Variants in DDAH1 observed in about 807,000 individuals in gnomAD.
DDAH1 encodes dimethylarginine dimethylaminohydrolase 1.
A neutral mutation model predicts 28.8 loss-of-function variants in DDAH1; 19 were observed. The observed-to-expected ratio is 0.66, with a 90% CI of 0.46 to 0.97. The LOEUF (loss-of-function observed/expected upper bound fraction) is 0.97, where lower values mean the gene tolerates loss of function less well. DDAH1 is among the 50% of genes least tolerant of loss of function. The probability of loss-of-function intolerance (pLI) is 0.00; values close to 1 mark genes in which losing one functional copy is unlikely to be tolerated. For synonymous variants in DDAH1, 153 were observed against 154.4 expected (o/e 0.99, Z 0.07); for missense variants, 326 against 375.9 (o/e 0.87, Z 1.10).
chr1:85,498,645 G>A (rs561815731), intron 1 of DDAH1, among the ~76,000 whole-genome samples: 2 of 152,290 alleles, frequency 1.3e-5, no homozygotes, highest in South Asian at 4.1e-4. Context: ...CGAGCCCTGT[G>A]TGGTGGCTCA....
At chr1:85,504,886 G>T (rs1212316004) in intron 1 of DDAH1, among the ~76,000 whole-genome samples, 1 of 149,762 alleles carries the variant, frequency 6.7e-6, no homozygotes, top group Non-Finnish European at 1.5e-5. Context: ...CCTACCCCAT[G>T]CCAGACCCAC....
intron 1 of DDAH1, among the ~76,000 whole-genome samples, chr1:85,454,315 A>G (rs140913026): frequency 9.3e-4 from 141 of 152,334 alleles, no homozygotes; most frequent in African/African-American, 3.2e-3. Context: ...ACCAGGCCAC[A>G]TAGAACTATG....
chr1:85,392,285 G>A (rs928377176), intron 1 of DDAH1, among the ~76,000 whole-genome samples: 1 of 152,006 alleles, frequency 6.6e-6, no homozygotes, highest in African/African-American at 2.4e-5. Flanking sequence ...TGGTATGCAT[G>A]TCTATAGGTC....
At chr1:85,451,151 A>G (rs908707224) in intron 1 of DDAH1, among the ~76,000 whole-genome samples, 1 of 152,180 alleles carries the variant, frequency 6.6e-6, no homozygotes, top group Non-Finnish European at 1.5e-5. Context: ...TGGAGTCAGC[A>G]TAGGGGTCCA....
At chr1:85,443,882 T>C (rs1460710116) in intron 1 of DDAH1, among the ~76,000 whole-genome samples, 1 of 152,250 alleles carries the variant, frequency 6.6e-6, no homozygotes, top group East Asian at 1.9e-4. Context: ...GAGACTTTGC[T>C]GAAGTTGCCT....
intron 4 of DDAH1, among the ~76,000 whole-genome samples, chr1:85,345,987 C>G (rs1420748371): frequency 6.6e-6 from 1 of 152,158 alleles, no homozygotes; most frequent in Non-Finnish European, 1.5e-5. Context: ...ACTATTAACT[C>G]TACTATAATC....
intron 1 of DDAH1, among the ~76,000 whole-genome samples, chr1:85,445,246 C>T (rs1301410028): frequency 6.6e-6 from 1 of 152,138 alleles, no homozygotes. Context: ...CAAGTTGACA[C>T]TCAGTATTAA....
intron 1 of DDAH1, among the ~76,000 whole-genome samples, chr1:85,569,255 T>C (rs1193583044): frequency 6.6e-6 from 1 of 152,146 alleles, no homozygotes; most frequent in Non-Finnish European, 1.5e-5. Context: ...ACAGTAAAAG[T>C]TTGAGTGGGT....
At chr1:85,570,710 G>A (rs1017847500) in intron 1 of DDAH1, among the ~76,000 whole-genome samples, 2 of 152,108 alleles carry the variant, frequency 1.3e-5, no homozygotes, top group Non-Finnish European at 2.9e-5. Context: ...TGATCAAACC[G>A]ATGGTGACAG....
intron 4 of DDAH1, among the ~76,000 whole-genome samples, chr1:85,333,772 A>G (rs1053575354): frequency 1.3e-5 from 2 of 152,208 alleles, no homozygotes; most frequent in Admixed American, 6.5e-5. Context: ...AAGAAAGAAG[A>G]AAGCCAATGT....
chr1:85,466,955 G>A (rs1011204326), upstream of DDAH1, among the ~76,000 whole-genome samples: 1 of 142,830 alleles, frequency 7.0e-6, no homozygotes, highest in Non-Finnish European at 1.5e-5. Flanking sequence ...CTCCTGCCTC[G>A]GCCTCCCGAG....
At chr1:85,497,149 A>T (rs1470095859) in intron 1 of DDAH1, among the ~76,000 whole-genome samples, 1 of 152,240 alleles carries the variant, frequency 6.6e-6, no homozygotes, top group African/African-American at 2.4e-5. Context: ...CTGATGAACA[A>T]CTGGAAGGCC....
chr1:85,495,722 T>C (rs1351982746), intron 2 of DDAH1: 1 of 152,200 alleles, frequency 6.6e-6, no homozygotes, highest in Non-Finnish European at 1.5e-5. Flanking sequence ...CTTCATCAGA[T>C]AAACAGGGCT....
chr1:85,571,481 C>G (rs1056606244), intron 1 of DDAH1, among the ~76,000 whole-genome samples: 2 of 152,210 alleles, frequency 1.3e-5, no homozygotes, highest in Non-Finnish European at 2.9e-5. Context: ...CCCAAAGCTG[C>G]ACGGCTTCTA....
chr1:85,457,880 G>A lies in DDAH1; in HGVS notation c.303+6863C>T, dbSNP rs770539900. Among the ~76,000 whole-genome samples, 6 of 152,138 alleles carry A rather than the reference G, an allele frequency of 3.9e-5. No individual in the cohort carries two copies. In the South Asian group the frequency reaches 8.3e-4, roughly 21 times the overall value. On this transcript the variant is annotated intron_variant, in intron 1 of 5. Transcript: ENST00000284031. ...AATTTTTGTATTTTTAGTAGAGATG[G>A]GGGTTTCACCATGTTGGCCAGGCTG...
chr1:85,427,226 C>A, intron 1 of DDAH1, among the ~76,000 whole-genome samples: 1 of 149,712 alleles, frequency 6.7e-6, no homozygotes. Flanking sequence ...AAGAACTCAT[C>A]ATGCTTGTGG....
intron 1 of DDAH1, among the ~76,000 whole-genome samples, chr1:85,523,138 G>A (rs1282780735): frequency 6.6e-6 from 1 of 152,088 alleles, no homozygotes; most frequent in Non-Finnish European, 1.5e-5. Flanking sequence ...TGAATGGCCT[G>A]TAGGGCTCAC....
In DDAH1 at chr1:85,464,610, ACT is replaced by A; in HGVS notation, c.303+131_303+132del. 7 of 1,366,384 alleles carry A rather than the reference ACT, an allele frequency of 5.1e-6. No individual in the cohort carries two copies. The highest frequency in any genetic ancestry group is 4.9e-6 in the Non-Finnish European group (5 of 1,025,972). 84.6% of individuals were successfully genotyped at this position (1,366,384 alleles called of 1,614,324 possible). The stretch of plus-strand genomic sequence containing the variant: ...CTCTGACACACACACACACACACAC[ACT>A]CGCCCCCCGACGGGAAGTTGTGAAC... On this transcript the variant is annotated intron_variant, in intron 1 of 5. Transcript: ENST00000284031. This position sits in a 1 kb window ranked among gnomAD's most constrained non-coding sequence, Gnocchi z 4.4.
chr1:85,410,196 G>A (rs766517270), intron 1 of DDAH1, among the ~76,000 whole-genome samples: 6 of 152,106 alleles, frequency 3.9e-5, no homozygotes, highest in South Asian at 2.1e-4. Flanking sequence ...TGGGATAATC[G>A]CCTGAGCCTG....
Sources: allele counts gnomAD v4.1 joint callset (sites outside exome capture counted in the v4.1 genomes callset), GRCh38; gene constraint gnomAD v4.1.1; non-coding constraint Gnocchi (gnomAD v3.1); transcripts MANE v1.5; gene names NCBI Gene and HGNC (gene_info 2026-07-23, HGNC 2026-07-21).